The following MTHFD1L variants were observed in gnomAD, a reference collection of about 807,000 sequenced individuals.
MTHFD1L encodes monofunctional C1-tetrahydrofolate synthase, mitochondrial.
In MTHFD1L, 81 loss-of-function variants were observed where a neutral mutation model predicts 119.5. That is an observed-to-expected ratio of 0.68 (90% CI 0.57 to 0.82). The LOEUF is 0.82. MTHFD1L is among the 40% of genes least tolerant of loss of function. MTHFD1L has a pLI of 0.00. For missense variants in MTHFD1L, 1,125 were observed against 1,253.4 expected, an observed-to-expected ratio of 0.90 and a Z score of 1.55; for synonymous variants, 430 against 475.2, an observed-to-expected ratio of 0.90 and a Z score of 1.24.
chr6:150,924,208 AC>A (rs1162895255), intron 10 of MTHFD1L, among the ~76,000 whole-genome samples: 30 of 152,158 alleles, frequency 2.0e-4, no homozygotes, highest in African/African-American at 7.2e-4. Flanking sequence ...TAAAGAGAAA[AC>A]CTTACAGGTG....
intron 14 of MTHFD1L, among the ~76,000 whole-genome samples, chr6:150,945,224 T>A (rs1793728812): frequency 6.6e-6 from 1 of 152,284 alleles, no homozygotes; most frequent in Non-Finnish European, 1.5e-5. Flanking sequence ...GTTGTAGCGA[T>A]ATAGATCAAG....
chr6:150,960,234 G>A, intron 17 of MTHFD1L, 41 bp from the exon 18 acceptor site: 1 of 1,572,414 alleles, frequency 6.4e-7, no homozygotes, highest in Non-Finnish European at 8.6e-7. Flanking sequence ...CCATCCCACT[G>A]GCACTGTCGC....
intron 7 of MTHFD1L, among the ~76,000 whole-genome samples, chr6:150,888,807 G>A (rs1224283185): frequency 2.0e-5 from 3 of 152,136 alleles, no homozygotes; most frequent in African/African-American, 4.8e-5. Flanking sequence ...ACAGACGATC[G>A]GAACAGAAGA....
intron 14 of MTHFD1L, 51 bp downstream of exon 14, chr6:150,944,644 T>A: frequency 1.5e-6 from 2 of 1,318,690 alleles, no homozygotes; most frequent in Non-Finnish European, 2.2e-6. Context: ...CTGGAATTCC[T>A]GGATTCTTAA....
At chr6:151,029,315 G>A (rs1030408473) in intron 24 of MTHFD1L, among the ~76,000 whole-genome samples, 3 of 151,816 alleles carry the variant, frequency 2.0e-5, no homozygotes, top group African/African-American at 7.3e-5. Context: ...CAGCTGTTCG[G>A]GAGGCTGAGG....
At chr6:151,026,977 C>T (rs775174455) in intron 24 of MTHFD1L, among the ~76,000 whole-genome samples, 15 of 151,654 alleles carry the variant, frequency 9.9e-5, no homozygotes, top group Admixed American at 3.9e-4. Flanking sequence ...TACAGGAATG[C>T]GCCACCACTC....
intron 26 of MTHFD1L, among the ~76,000 whole-genome samples, chr6:151,088,987 C>T (rs1345299938): frequency 6.6e-6 from 1 of 152,152 alleles, no homozygotes; most frequent in Non-Finnish European, 1.5e-5. Context: ...CCATTGGTAG[C>T]TTTGGTCAGA....
intron 19 of MTHFD1L, among the ~76,000 whole-genome samples, chr6:150,969,231 C>T (rs1342006551): frequency 6.6e-6 from 1 of 152,220 alleles, no homozygotes; most frequent in Non-Finnish European, 1.5e-5. Flanking sequence ...ATCCGTCTGC[C>T]TCTGCCTCTC....
chr6:151,077,426 T>C (rs564437450), intron 26 of MTHFD1L, among the ~76,000 whole-genome samples: 1 of 151,800 alleles, frequency 6.6e-6, no homozygotes, highest in South Asian at 2.1e-4. Flanking sequence ...GTGAATCACC[T>C]GAGGTCAGGA....
chr6:150,945,400 C>G, intron 14 of MTHFD1L, 67 bp from the exon 15 acceptor site: 1 of 1,286,038 alleles, frequency 7.8e-7, no homozygotes, highest in Non-Finnish European at 1.1e-6. Flanking sequence ...TTGTCATATC[C>G]TGTGAATTGT....
intron 19 of MTHFD1L, among the ~76,000 whole-genome samples, chr6:150,969,512 C>CA (rs35902929): frequency 0.47 from 59,282 of 126,430 alleles, 13,083 homozygotes; most frequent in East Asian, 0.65. Flanking sequence ...GACCCTGCCT[C>CA]AAAAAAAAAA....
chr6:151,003,363 C>T (rs1427483590), intron 20 of MTHFD1L, among the ~76,000 whole-genome samples: 1 of 152,148 alleles, frequency 6.6e-6, no homozygotes, highest in South Asian at 2.1e-4. Context: ...GAAACCCTGA[C>T]TCTACAAAAA....
At chr6:151,041,207 A>G (rs1282665652) in intron 26 of MTHFD1L, among the ~76,000 whole-genome samples, 2 of 152,222 alleles carry the variant, frequency 1.3e-5, no homozygotes, top group Non-Finnish European at 2.9e-5. Context: ...GCTTTCTATG[A>G]CAGAGCAGGA....
chr6:151,007,140 C>T (rs549201759), intron 20 of MTHFD1L, among the ~76,000 whole-genome samples: 7 of 152,008 alleles, frequency 4.6e-5, no homozygotes, highest in East Asian at 3.9e-4. Flanking sequence ...CTCTTGGTCT[C>T]TGCCTGCCAT....
chr6:151,085,001 A>ATG (rs1793640588), intron 26 of MTHFD1L, among the ~76,000 whole-genome samples: 4 of 138,704 alleles, frequency 2.9e-5, no homozygotes, highest in South Asian at 2.2e-4. Context: ...ATATATATAT[A>ATG]TATGTATATA....
intron 21 of MTHFD1L, among the ~76,000 whole-genome samples, chr6:151,013,578 G>A (rs1464560832): frequency 6.6e-6 from 1 of 152,126 alleles, no homozygotes; most frequent in Admixed American, 6.6e-5. Flanking sequence ...ATTGGTCTGG[G>A]TGGAGCCCAG....
chr6:150,887,233 A>C (rs1044103770), intron 6 of MTHFD1L, among the ~76,000 whole-genome samples: 2 of 152,184 alleles, frequency 1.3e-5, no homozygotes, highest in Non-Finnish European at 2.9e-5. Flanking sequence ...GTGCTTTTTC[A>C]TTACGTGGAT....
intron 8 of MTHFD1L, among the ~76,000 whole-genome samples, chr6:150,910,285 C>T (rs370672708): frequency 5.3e-5 from 8 of 151,688 alleles, no homozygotes; most frequent in African/African-American, 1.7e-4. Flanking sequence ...AATTCTTGGC[C>T]GGATGCGGTG....
chr6:150,922,961 C>T (rs1415784999), intron 10 of MTHFD1L, among the ~76,000 whole-genome samples: 1 of 152,006 alleles, frequency 6.6e-6, no homozygotes, highest in Non-Finnish European at 1.5e-5. Flanking sequence ...GGTTTTTCTT[C>T]TTAGTGGTCC....
Sources: allele counts gnomAD v4.1 joint callset (sites outside exome capture counted in the v4.1 genomes callset), GRCh38; gene constraint gnomAD v4.1.1; transcripts MANE v1.5; gene names NCBI Gene and HGNC (gene_info 2026-07-23, HGNC 2026-07-21).